Variants in KIFAP3 observed in about 807,000 individuals in gnomAD.
The protein encoded by KIFAP3 is kinesin associated protein 3.
In KIFAP3, 68 loss-of-function variants were observed where a neutral mutation model predicts 106.5. The observed-to-expected ratio is 0.64, with a 90% CI of 0.53 to 0.78. KIFAP3 has a LOEUF of 0.78. Ranked by LOEUF, KIFAP3 falls within the 30% of genes least tolerant of loss-of-function variation. The probability of loss-of-function intolerance (pLI) is 0.00; values close to 1 mark genes in which losing one functional copy is unlikely to be tolerated. For missense variants in KIFAP3, 780 were observed against 941.8 expected (o/e 0.83, Z 2.25); for synonymous variants, 320 against 311.5 (o/e 1.03, Z -0.29).
At chr1:169,979,573 A>G (rs913950753) in intron 15 of KIFAP3, among the ~76,000 whole-genome samples, 1 of 152,168 alleles carries the variant, frequency 6.6e-6, no homozygotes, top group African/African-American at 2.4e-5. Context: ...GGAAATACAA[A>G]TTAAAATCAC....
chr1:170,035,335 A>C (rs992605603), intron 6 of KIFAP3, 119 bp downstream of exon 6: 6 of 563,248 alleles, frequency 1.1e-5, no homozygotes, highest in Non-Finnish European at 1.9e-5. Flanking sequence ...TCAGCAGTAG[A>C]GCATAGGCAG....
rs149555116 is a variant in KIFAP3 at position 170,025,851 on chromosome 1, C to T, written c.842-1255G>A. Among the ~76,000 whole-genome samples the T allele has an allele frequency of 1.6e-3, 242 of 152,300 alleles. 3 individuals carry two copies. The highest frequency in any genetic ancestry group is 0.014 in the Admixed American group (210 of 15,296). ...GAAAAAACAAACAGACTTCTCTTTA[C>T]AGCCAAGATAGAGGTAGCCGGTTGA... On this transcript the variant is annotated intron_variant, in intron 8 of 19. Transcript: ENST00000361580.
chr1:170,062,215 CA>C (rs112112967), intron 1 of KIFAP3, among the ~76,000 whole-genome samples: 9,122 of 85,090 alleles, frequency 0.11, 627 homozygotes, highest in African/African-American at 0.27. Flanking sequence ...GAGATACCAT[CA>C]AAAAAAAAAA....
intron 10 of KIFAP3, among the ~76,000 whole-genome samples, chr1:170,009,015 G>A (rs1668110531): frequency 2.0e-5 from 3 of 152,084 alleles, no homozygotes; most frequent in Admixed American, 1.3e-4. Flanking sequence ...AACTAACACA[G>A]GAACAGAAAA....
rs1182329186 is a variant in KIFAP3, at chr1:170,024,597, C to T, written c.842-1G>A. ...AGATTCAGAAGCAAATAAAGAGCAA[C>T]TAGAAAAGTAAAATATATGAGAGAT... On this transcript the variant is annotated splice_acceptor_variant, in intron 8 of 19. Coordinates refer to ENST00000361580, the MANE Select transcript of KIFAP3 (RefSeq NM_014970.4). LOFTEE classifies it high-confidence loss of function. 1 of 1,520,686 alleles carries T rather than the reference C, an allele frequency of 6.6e-7. No homozygotes were observed. The highest frequency in any genetic ancestry group is 1.3e-5 in the South Asian group (1 of 75,854). The allele number at this position is 1,520,686 out of a possible 1,614,324, so 94.2% of individuals were successfully genotyped here.
At chr1:170,061,549 T>C (rs1671156049) in intron 1 of KIFAP3, among the ~76,000 whole-genome samples, 1 of 152,122 alleles carries the variant, frequency 6.6e-6, no homozygotes, top group African/African-American at 2.4e-5. Context: ...ATAGGAACAG[T>C]TTTACACTGT....
chr1:170,041,987 C>T (rs1158905077), intron 3 of KIFAP3: 2 of 598,874 alleles, frequency 3.3e-6, no homozygotes, highest in Non-Finnish European at 2.5e-6. Flanking sequence ...CATGTCTGTT[C>T]TTATCTTGTC....
At chr1:169,962,827 T>C (rs1389153097) in intron 17 of KIFAP3, among the ~76,000 whole-genome samples, 1 of 152,230 alleles carries the variant, frequency 6.6e-6, no homozygotes, top group Non-Finnish European at 1.5e-5. Flanking sequence ...AGATTGCATG[T>C]GCTATAATGT....
intron 16 of KIFAP3, among the ~76,000 whole-genome samples, chr1:169,973,085 A>G (rs1248752940): frequency 9.0e-6 from 1 of 111,706 alleles, no homozygotes; most frequent in Admixed American, 9.5e-5. Context: ...AAGAGATAAA[A>G]ATAATTTAAA....
At chr1:170,028,624 A>G (rs1358100856) in intron 8 of KIFAP3, among the ~76,000 whole-genome samples, 2 of 152,234 alleles carry the variant, frequency 1.3e-5, no homozygotes, top group East Asian at 3.8e-4. Context: ...GGTGTGAGCC[A>G]CGACATCTGG....
At chr1:170,067,532 A>T (rs142493011) in intron 1 of KIFAP3, 1 of 152,272 alleles carries the variant, frequency 6.6e-6, no homozygotes, top group Non-Finnish European at 1.5e-5. Flanking sequence ...TCTCAAGCAC[A>T]GTGGCAGTCT....
intron 19 of KIFAP3, among the ~76,000 whole-genome samples, chr1:169,939,003 G>C (rs1407246693): frequency 6.6e-6 from 1 of 152,090 alleles, no homozygotes; most frequent in Non-Finnish European, 1.5e-5. Flanking sequence ...AATAATGAAG[G>C]ACTTTATAGA....
At chr1:170,019,534 T>C (rs1253840311) in intron 9 of KIFAP3, among the ~76,000 whole-genome samples, 5 of 152,146 alleles carry the variant, frequency 3.3e-5, no homozygotes, top group East Asian at 1.9e-4. Context: ...AGTCAATCAA[T>C]GTAACTCACT....
At chr1:169,981,749 C>T (rs1222038969) in intron 15 of KIFAP3, among the ~76,000 whole-genome samples, 2 of 152,092 alleles carry the variant, frequency 1.3e-5, no homozygotes, top group East Asian at 1.9e-4. Flanking sequence ...TCCTGAACTG[C>T]TTTACAGCAA....
At chr1:169,942,227 ATAAC>A (rs1253995759) in intron 19 of KIFAP3, among the ~76,000 whole-genome samples, 2 of 152,262 alleles carry the variant, frequency 1.3e-5, no homozygotes, top group African/African-American at 4.8e-5. Context: ...AACATACAAA[ATAAC>A]TAAAGAAATA....
rs1347307523 is a variant in KIFAP3 at position 170,046,707 on chromosome 1, C to A, written c.319+5G>T. On this transcript the variant is annotated splice_donor_5th_base_variant and intron_variant, in intron 3 of 19. Coordinates refer to ENST00000361580, the MANE Select transcript of KIFAP3 (RefSeq NM_014970.4). The stretch of plus-strand genomic sequence containing the variant: ...CATTAGGAAGCCAGGAATTCTACTA[C>A]TTACCTTTTCCTGACAATGAATCAC... 6.6e-7 allele frequency: 1 copy of A among 1,517,486 alleles called. No individual in the cohort carries two copies. 94.0% of individuals were successfully genotyped at this position (1,517,486 alleles called of 1,614,324 possible). A position where few individuals can be genotyped will look rare whatever the true frequency, so the allele number is the denominator to read the frequency against.
At chr1:169,925,099 C>T (rs1423463504) in intron 19 of KIFAP3, among the ~76,000 whole-genome samples, 4 of 152,116 alleles carry the variant, frequency 2.6e-5, no homozygotes, top group Non-Finnish European at 5.9e-5. Context: ...TCTGTATGTA[C>T]ATAGTTTCTT....
At chr1:169,997,884 A>AG (rs1491454116) in intron 10 of KIFAP3, among the ~76,000 whole-genome samples, 586 of 13,022 alleles carry the variant, frequency 0.045, 5 homozygotes, top group African/African-American at 0.39. Context: ...AAAAAAAAAG[A>AG]AAAAAAAAAG....
At chr1:169,949,221 T>A (rs1404961009) in intron 19 of KIFAP3, among the ~76,000 whole-genome samples, 2 of 151,786 alleles carry the variant, frequency 1.3e-5, no homozygotes, top group African/African-American at 4.8e-5. Context: ...AAAGTTAATA[T>A]TAAAGTACTC....
Sources: gnomAD v4.1 joint callset for allele counts (sites outside exome capture counted in the v4.1 genomes callset) on GRCh38, gnomAD v4.1.1 for gene constraint, MANE v1.5 for transcripts, NCBI Gene and HGNC (gene_info 2026-07-23, HGNC 2026-07-21) for gene names.